The following FHIT variants were observed in gnomAD, a reference collection of about 807,000 sequenced individuals.
FHIT encodes the protein bis(5'-adenosyl)-triphosphatase.
In FHIT, 19 loss-of-function variants were observed where a neutral mutation model predicts 17.9. The observed-to-expected ratio is 1.06, with a 90% CI of 0.74 to 1.56. The LOEUF (loss-of-function observed/expected upper bound fraction) is 1.56. Ranked by LOEUF, FHIT falls within the 40% of genes most tolerant of loss-of-function variation. FHIT has a pLI of 0.00. For missense variants in FHIT, 248 were observed against 189.2 expected, an observed-to-expected ratio of 1.31 and a Z score of -1.82; for synonymous variants, 81 against 69.7, an observed-to-expected ratio of 1.16 and a Z score of -0.81.
intron 5 of FHIT, among the ~76,000 whole-genome samples, chr3:60,140,758 A>G (rs758814974): frequency 1.3e-5 from 2 of 151,938 alleles, no homozygotes; most frequent in Non-Finnish European, 2.9e-5. Flanking sequence ...TTGTATTTTT[A>G]GTAGATACAG....
At chr3:59,837,819 C>T (rs565205549) in intron 8 of FHIT, among the ~76,000 whole-genome samples, 7 of 152,218 alleles carry the variant, frequency 4.6e-5, no homozygotes, top group African/African-American at 1.7e-4. Context: ...CCTCTCTGCA[C>T]TGTTTTCTGC....
intron 5 of FHIT, among the ~76,000 whole-genome samples, chr3:60,305,469 G>A (rs1303217386): frequency 6.6e-6 from 1 of 152,000 alleles, no homozygotes; most frequent in African/African-American, 2.4e-5. Context: ...TTCATGCAGG[G>A]CCATGAGTTA....
At chr3:60,990,054 A>T (rs540777420) in intron 3 of FHIT, among the ~76,000 whole-genome samples, 4 of 152,270 alleles carry the variant, frequency 2.6e-5, no homozygotes, top group African/African-American at 9.6e-5. Flanking sequence ...TTTGCTCCAC[A>T]GGGTACAACA....
intron 7 of FHIT, among the ~76,000 whole-genome samples, chr3:59,987,837 G>A (rs1373030684): frequency 6.6e-6 from 1 of 151,916 alleles, no homozygotes; most frequent in Non-Finnish European, 1.5e-5. Context: ...AAGACTTGGG[G>A]TACTAGAGAT....
chr3:60,389,096 T>A (rs1228270461), intron 5 of FHIT, among the ~76,000 whole-genome samples: 1 of 152,218 alleles, frequency 6.6e-6, no homozygotes, highest in Admixed American at 6.5e-5. Context: ...AATTTAGCAA[T>A]GCATTTGCAT....
chr3:59,872,545 G>A (rs1178588970), intron 8 of FHIT, among the ~76,000 whole-genome samples: 1 of 152,164 alleles, frequency 6.6e-6, no homozygotes, highest in Non-Finnish European at 1.5e-5. Context: ...AACAATGTCT[G>A]TTATTAACAG....
intron 5 of FHIT, among the ~76,000 whole-genome samples, chr3:60,376,189 G>T (rs748220318): frequency 6.6e-6 from 1 of 152,128 alleles, no homozygotes; most frequent in Non-Finnish European, 1.5e-5. Flanking sequence ...AGAGTAACTA[G>T]GTCTGTCTTG....
At position 60,477,260 on chromosome 3, in the gene FHIT, A is replaced by G. The variant is rs377192722; in HGVS notation, c.103+59600T>C. On this transcript the variant is annotated intron_variant, in intron 5 of 9. Transcript: ENST00000492590. ...TTTCCTGGTCAGAATCTTTTTATAC[A>G]TAACCTTGAATATAACAAAAACCAG... is the stretch of plus-strand genomic sequence containing the variant. Among the ~76,000 whole-genome samples, 17 of 152,120 alleles carry G rather than the reference A, an allele frequency of 1.1e-4. No homozygotes were observed. In the South Asian group the frequency reaches 3.5e-3, roughly 32 times the overall value.
At chr3:60,283,818 G>C (rs1354954796) in intron 5 of FHIT, among the ~76,000 whole-genome samples, 1 of 138,562 alleles carries the variant, frequency 7.2e-6, no homozygotes, top group African/African-American at 2.6e-5. Context: ...CACCGAAAGA[G>C]GTAAAAAAAG....
chr3:60,584,439 T>A (rs1199792829), intron 4 of FHIT, among the ~76,000 whole-genome samples: 4 of 151,960 alleles, frequency 2.6e-5, no homozygotes, highest in Non-Finnish European at 5.9e-5. Context: ...GCAGTAACTG[T>A]GGGTTCAGGG....
intron 5 of FHIT, among the ~76,000 whole-genome samples, chr3:60,413,265 T>C (rs1400397433): frequency 6.6e-6 from 1 of 152,108 alleles, no homozygotes; most frequent in Non-Finnish European, 1.5e-5. Context: ...ATCAAAGAGT[T>C]AATAAATTCA....
At chr3:60,923,500 A>G (rs542787924) in intron 3 of FHIT, among the ~76,000 whole-genome samples, 1 of 152,326 alleles carries the variant, frequency 6.6e-6, no homozygotes, top group East Asian at 1.9e-4. Context: ...TGGTCCTCCT[A>G]ATTGATACCT....
chr3:60,504,276 A>G (rs561725570), intron 5 of FHIT, among the ~76,000 whole-genome samples: 52 of 152,208 alleles, frequency 3.4e-4, no homozygotes, highest in African/African-American at 1.0e-3. Flanking sequence ...TCTACTAAAA[A>G]TACAAAAATT....
intron 2 of FHIT, among the ~76,000 whole-genome samples, chr3:61,137,470 G>A (rs921306255): frequency 2.7e-4 from 41 of 151,934 alleles, no homozygotes; most frequent in African/African-American, 2.7e-4. Flanking sequence ...CAACTTATGC[G>A]CTTACCTCTT....
At chr3:59,922,949 A>G (rs1052764586) in intron 7 of FHIT, among the ~76,000 whole-genome samples, 1 of 152,090 alleles carries the variant, frequency 6.6e-6, no homozygotes, top group Non-Finnish European at 1.5e-5. Flanking sequence ...GGCATTCTTC[A>G]TTTAGTACTC....
At chr3:61,024,338 T>G (rs1377002630) in intron 3 of FHIT, among the ~76,000 whole-genome samples, 1 of 152,090 alleles carries the variant, frequency 6.6e-6, no homozygotes, top group African/African-American at 2.4e-5. Flanking sequence ...CAAAATAACC[T>G]AGCCAAACAA....
At chr3:60,452,200 G>A (rs553801554) in intron 5 of FHIT, among the ~76,000 whole-genome samples, 4 of 152,270 alleles carry the variant, frequency 2.6e-5, no homozygotes, top group African/African-American at 9.6e-5. Flanking sequence ...GTAAAAAAAT[G>A]CAGCAATAGC....
At chr3:60,110,090 C>G (rs1704604388) in intron 5 of FHIT, among the ~76,000 whole-genome samples, 1 of 152,144 alleles carries the variant, frequency 6.6e-6, no homozygotes, top group African/African-American at 2.4e-5. Context: ...AACAGGAAAC[C>G]TGTGTTCCAG....
intron 5 of FHIT, among the ~76,000 whole-genome samples, chr3:60,196,039 C>T (rs577035004): frequency 5.3e-5 from 8 of 151,940 alleles, no homozygotes; most frequent in African/African-American, 1.2e-4. Flanking sequence ...TTTGTTTAAA[C>T]GAAAAAAACT....
Sources: gnomAD v4.1 joint callset for allele counts (sites outside exome capture counted in the v4.1 genomes callset) on GRCh38, gnomAD v4.1.1 for gene constraint, MANE v1.5 for transcripts, NCBI Gene and HGNC (gene_info 2026-07-23, HGNC 2026-07-21) for gene names.